GATAD2A: variants seen among roughly 807,000 people sequenced by gnomAD.
GATAD2A encodes the protein transcriptional repressor p66-alpha.
A neutral mutation model predicts 68.5 loss-of-function variants in GATAD2A; 12 were observed. That is an observed-to-expected ratio of 0.18 (90% CI 0.11 to 0.28). The LOEUF is 0.28. Among genes scored for constraint, GATAD2A ranks in the 10% least tolerant of loss-of-function variants. The pLI is 1.00. For missense variants in GATAD2A, 755 were observed against 868.5 expected (o/e 0.87, Z 1.64); for synonymous variants, 410 against 375.3 (o/e 1.09, Z -1.07).
At chr19:19,472,987 A>G (rs1188313173) in intron 2 of GATAD2A, among the ~76,000 whole-genome samples, 1 of 152,218 alleles carries the variant, frequency 6.6e-6, no homozygotes, top group Non-Finnish European at 1.5e-5. Context: ...GGTCTTGGAA[A>G]GAAGGACTTG....
At chr19:19,503,644 CTG>C (rs58706182) in intron 11 of GATAD2A, among the ~76,000 whole-genome samples, 26,308 of 148,282 alleles carry the variant, frequency 0.18, 2,372 homozygotes, top group Middle Eastern at 0.29. Context: ...CATCTGGAAG[CTG>C]TGTGTGTGTG....
At chr19:19,502,925 G>T (rs1019166657) in intron 11 of GATAD2A, among the ~76,000 whole-genome samples, 1 of 152,164 alleles carries the variant, frequency 6.6e-6, no homozygotes, top group African/African-American at 2.4e-5. Context: ...TCCATGCTGC[G>T]GTCACACTGA....
intron 2 of GATAD2A, among the ~76,000 whole-genome samples, chr19:19,473,833 C>T (rs2058485952): frequency 6.6e-6 from 1 of 150,950 alleles, no homozygotes; most frequent in Non-Finnish European, 1.5e-5. Flanking sequence ...GTAGTCCCAG[C>T]AACTTGGGTG....
intron 2 of GATAD2A, among the ~76,000 whole-genome samples, chr19:19,479,731 T>G (rs2058922805): frequency 6.6e-6 from 1 of 152,168 alleles, no homozygotes. Flanking sequence ...AGGTGCCATT[T>G]GTCAGGTTTT....
Position 19,483,208 on chromosome 19 carries a change from G to A in GATAD2A, c.270-9098G>A, listed in dbSNP as rs578111685. The stretch of plus-strand genomic sequence containing the variant: ...GAGAGCAGGCAGGGATGGGCTCAGA[G>A]GTCTGGGCCAGCCACACAGACTCTC... On this transcript the variant is annotated intron_variant, in intron 2 of 11. Coordinates refer to ENST00000683918, the MANE Select transcript of GATAD2A (RefSeq NM_001384528.1). Among the ~76,000 whole-genome samples, 11 of 152,346 alleles carry A rather than the reference G, an allele frequency of 7.2e-5. No homozygotes were observed. The East Asian group carries it at 1.2e-3, about 16-fold the overall frequency.
intron 1 of GATAD2A, among the ~76,000 whole-genome samples, chr19:19,394,768 T>C (rs1288534841): frequency 1.3e-5 from 2 of 152,188 alleles, no homozygotes; most frequent in Non-Finnish European, 2.9e-5. Flanking sequence ...ACACTGGGAC[T>C]GGGAAGGTGC....
chr19:19,473,321 G>A (rs1027019969), intron 2 of GATAD2A, among the ~76,000 whole-genome samples: 8 of 152,152 alleles, frequency 5.3e-5, no homozygotes, highest in Non-Finnish European at 1.2e-4. Context: ...CATCTGTGCT[G>A]TTAGATCTGA....
intron 1 of GATAD2A, among the ~76,000 whole-genome samples, chr19:19,460,645 C>T (rs1439210216): frequency 1.3e-5 from 2 of 152,182 alleles, no homozygotes; most frequent in East Asian, 1.9e-4. Context: ...CTCAAATCTG[C>T]TCCTCCCCAT....
chr19:19,451,843 CTT>C lies in GATAD2A; in HGVS notation c.-6-13491_-6-13490del, dbSNP rs574181137. Reference sequence around the variant, plus strand: ...TTCAGAATTAAATGCAGAAGAAAGACTTTTTTTCTTCTTACTTTTAGAGACAG... The same window carrying C: ...TTCAGAATTAAATGCAGAAGAAAGACTTTTTCTTCTTACTTTTAGAGACAG... On this transcript the variant is annotated intron_variant, in intron 1 of 11. Transcript: ENST00000683918. Among the ~76,000 whole-genome samples, 6 of 152,286 alleles carry C rather than the reference CTT, an allele frequency of 3.9e-5. No homozygotes were observed. In the South Asian group the frequency reaches 1.0e-3, roughly 26 times the overall value.
At position 19,465,876 on chromosome 19, in the gene GATAD2A, C is replaced by CA. The variant is rs201414323; in HGVS notation, c.269+263dup. ...CACATTCCATCAGCTCCCCTGCCAT[C>CA]AGTAGGCCTTTGCCACCCACGCACC... On this transcript the variant is annotated intron_variant, in intron 2 of 11. Transcript: ENST00000683918. 4.5e-4 allele frequency among the ~76,000 whole-genome samples: 68 copies of CA among 152,382 alleles called. 1 individual carries two copies. Among genetic ancestry groups the CA allele is most frequent in the Non-Finnish European group, 8.1e-4 (55 of 68,044 alleles).
At chr19:19,445,933 C>T (rs1244932942) in intron 1 of GATAD2A, among the ~76,000 whole-genome samples, 1 of 152,204 alleles carries the variant, frequency 6.6e-6, no homozygotes, top group African/African-American at 2.4e-5. Context: ...GATATACCTA[C>T]AAGTGGACTT....
rs962712059 is a variant in GATAD2A, at chr19:19,507,940, C to T, written c.*2466C>T. ...TTCCAGGTGAAGGCATTATTAAGTA[C>T]CTCTCTGGGTGTGGGGTTTGGACGC... On this transcript the variant is annotated 3_prime_UTR_variant, in exon 12 of 12. Coordinates refer to ENST00000683918, the MANE Select transcript of GATAD2A (RefSeq NM_001384528.1). The T allele has an allele frequency of 3.9e-5, 6 of 152,152 alleles. No homozygotes were observed. The highest frequency in any genetic ancestry group is 1.3e-4 in the Admixed American group (2 of 15,276). 9.4% of individuals were successfully genotyped at this position (152,152 alleles called of 1,614,324 possible). A position where few individuals can be genotyped will look rare whatever the true frequency, so the allele number is the denominator to read the frequency against.
intron 2 of GATAD2A, chr19:19,472,381 T>A (rs1422980130): frequency 6.6e-6 from 1 of 151,974 alleles, no homozygotes; most frequent in Non-Finnish European, 1.5e-5. Flanking sequence ...TTGCCCAGAC[T>A]GGAGTGTGGT....
intron 1 of GATAD2A, among the ~76,000 whole-genome samples, chr19:19,454,983 G>A (rs2056792713): frequency 6.6e-6 from 1 of 152,166 alleles, no homozygotes; most frequent in African/African-American, 2.4e-5. Flanking sequence ...TCGCAGACAC[G>A]CCCATTCAGG....
intron 2 of GATAD2A, among the ~76,000 whole-genome samples, chr19:19,488,376 G>GGAAT (rs569453196): frequency 2.4e-3 from 367 of 152,318 alleles, no homozygotes; most frequent in Middle Eastern, 0.014. Context: ...GCAGATGTAA[G>GGAAT]GAATGAATGA....
intron 1 of GATAD2A, among the ~76,000 whole-genome samples, chr19:19,427,061 G>C (rs1372381000): frequency 1.3e-5 from 2 of 151,840 alleles, no homozygotes; most frequent in African/African-American, 2.4e-5. Flanking sequence ...ACTTATGATT[G>C]CACCTATATG....
intron 1 of GATAD2A, among the ~76,000 whole-genome samples, chr19:19,398,341 T>C (rs1316887397): frequency 1.3e-5 from 2 of 151,868 alleles, no homozygotes; most frequent in Non-Finnish European, 2.9e-5. Flanking sequence ...GTAGCTGAGA[T>C]TACAGGCATG....
At chr19:19,428,869 G>C (rs543436946) in intron 1 of GATAD2A, among the ~76,000 whole-genome samples, 1 of 152,322 alleles carries the variant, frequency 6.6e-6, no homozygotes, top group South Asian at 2.1e-4. Context: ...CATGCCAGGG[G>C]TGGGGCAGGA....
rs1243265364 is a variant in GATAD2A at position 19,465,516 on chromosome 19, C to G, written c.171C>G (p.Thr57=). The G allele has an allele frequency of 1.2e-6, 2 of 1,614,000 alleles. No individual in the cohort carries two copies. The highest frequency in any genetic ancestry group is 1.7e-6 in the Non-Finnish European group (2 of 1,179,844). The change falls in exon 2 of 12, where the codon ACC becomes ACG. Residue 57 remains threonine (T), a synonymous_variant. Transcript: ENST00000683918. The stretch of plus-strand genomic sequence containing the variant: ...CACCTGAGCCGGGAGCAGGTCCAAC[C>G]CAAGGATTGCTGAGGGCAACAGAGG... ...RVTPEPGAGP[T]QGLLRATEAT...
Sources: gnomAD v4.1 joint callset for allele counts (sites outside exome capture counted in the v4.1 genomes callset) on GRCh38, gnomAD v4.1.1 for gene constraint, MANE v1.5 for transcripts, NCBI Gene and HGNC (gene_info 2026-07-23, HGNC 2026-07-21) for gene names.